The following GAS7 variants were observed in gnomAD, a reference collection of about 807,000 sequenced individuals.
GAS7 encodes the protein growth arrest specific 7, also known as growth arrest-specific protein 7.
GAS7 carries 28 observed loss-of-function variants against 71.1 expected under a neutral mutation model. That is an observed-to-expected ratio of 0.39 (90% CI 0.29 to 0.54). The LOEUF (loss-of-function observed/expected upper bound fraction) is 0.54, where lower values mean the gene tolerates loss of function less well. GAS7 is among the 20% of genes least tolerant of loss of function. The probability of loss-of-function intolerance (pLI) is 0.62; values close to 1 mark genes in which losing one functional copy is unlikely to be tolerated. For missense variants in GAS7, 436 were observed against 627.8 expected, an observed-to-expected ratio of 0.69 and a Z score of 3.27; for synonymous variants, 258 against 245.8, an observed-to-expected ratio of 1.05 and a Z score of -0.46.
intron 1 of GAS7, among the ~76,000 whole-genome samples, chr17:10,125,200 A>G (rs1567601703): frequency 6.6e-6 from 1 of 152,164 alleles, no homozygotes; most frequent in Non-Finnish European, 1.5e-5. Context: ...ATAGAAATAT[A>G]TTCTGAGAAT....
At chr17:10,175,737 T>C (rs1262450205) in intron 1 of GAS7, among the ~76,000 whole-genome samples, 1 of 152,248 alleles carries the variant, frequency 6.6e-6, no homozygotes, top group Non-Finnish European at 1.5e-5. Context: ...TGGCCTTAAG[T>C]GATCCTCCTG....
intron 3 of GAS7, among the ~76,000 whole-genome samples, chr17:9,971,521 TA>T (rs1178985618): frequency 1.5e-4 from 23 of 152,112 alleles, no homozygotes; most frequent in Non-Finnish European, 2.9e-4. Flanking sequence ...ACTGTGATTG[TA>T]CCACTACACT....
chr17:10,023,845 T>C (rs2072364257), intron 1 of GAS7, among the ~76,000 whole-genome samples: 1 of 152,192 alleles, frequency 6.6e-6, no homozygotes, highest in Non-Finnish European at 1.5e-5. Context: ...ATTTTTTGGC[T>C]GGGCACGGTG....
At chr17:9,962,095 C>T (rs143083133) in intron 4 of GAS7, among the ~76,000 whole-genome samples, 98 of 152,242 alleles carry the variant, frequency 6.4e-4, no homozygotes, top group African/African-American at 2.3e-3. Flanking sequence ...GTGTCAGCAC[C>T]TTCCCTGGTC....
At chr17:10,001,494 C>CG (rs1246699584) in intron 2 of GAS7, among the ~76,000 whole-genome samples, 2 of 152,038 alleles carry the variant, frequency 1.3e-5, no homozygotes, top group African/African-American at 4.8e-5. Context: ...CAGCAGGAAT[C>CG]GGGGAAAAAA....
At chr17:10,147,677 G>A (rs141602509) in intron 1 of GAS7, among the ~76,000 whole-genome samples, 42 of 152,306 alleles carry the variant, frequency 2.8e-4, no homozygotes, top group African/African-American at 8.2e-4. Flanking sequence ...AAGTGGGCTT[G>A]TACACACGTG....
chr17:9,991,417 T>C (rs2070838751), intron 2 of GAS7, among the ~76,000 whole-genome samples: 1 of 152,318 alleles, frequency 6.6e-6, no homozygotes, highest in African/African-American at 2.4e-5. Flanking sequence ...GGGGCTCCTG[T>C]GCCCATTTCA....
intron 2 of GAS7, among the ~76,000 whole-genome samples, chr17:9,986,540 T>C (rs1346821889): frequency 6.6e-6 from 1 of 152,166 alleles, no homozygotes; most frequent in African/African-American, 2.4e-5. Context: ...TGAAGGGAAC[T>C]ACCAGTACAG....
In GAS7 at chr17:9,912,671, G is replaced by A. The variant is rs16958968; in HGVS notation, c.*4557C>T. ...CTGCACTACCAAAAACCCACCACGC[G>A]CCAAAAGGCGAGTGTGAGCCCTAAG... is the stretch of plus-strand genomic sequence containing the variant. On this transcript the variant is annotated 3_prime_UTR_variant, in exon 14 of 14. Coordinates refer to ENST00000432992, the MANE Select transcript of GAS7 (RefSeq NM_201433.2). The A allele has an allele frequency of 0.093, 21,594 of 232,368 alleles. 1,078 individuals carry two copies. Among genetic ancestry groups the A allele is most frequent in the African/African-American group, 0.13 (5,846 of 45,352 alleles). The allele number at this position is 232,368 out of a possible 1,614,324, so 14.4% of individuals were successfully genotyped here.
intron 1 of GAS7, among the ~76,000 whole-genome samples, chr17:10,172,141 T>C (rs1266114359): frequency 6.6e-6 from 1 of 152,202 alleles, no homozygotes; most frequent in Non-Finnish European, 1.5e-5. Flanking sequence ...TCTGCCTAAC[T>C]ACCCATCAAT....
At chr17:10,075,192 C>T (rs1262275130) in intron 1 of GAS7, among the ~76,000 whole-genome samples, 1 of 151,788 alleles carries the variant, frequency 6.6e-6, no homozygotes, top group Non-Finnish European at 1.5e-5. Context: ...CCCACCCCTA[C>T]TAAAAATACA....
At chr17:10,047,019 T>C (rs1316264511) in intron 1 of GAS7, among the ~76,000 whole-genome samples, 2 of 152,094 alleles carry the variant, frequency 1.3e-5, no homozygotes, top group East Asian at 3.9e-4. Context: ...TAATTTGAGA[T>C]GCAGGATTTG....
intron 1 of GAS7, among the ~76,000 whole-genome samples, chr17:10,080,673 T>A (rs768470175): frequency 5.3e-5 from 8 of 152,184 alleles, no homozygotes; most frequent in Non-Finnish European, 1.0e-4. Flanking sequence ...ACCAAGGAGA[T>A]CTTTCTTCTC....
At chr17:10,161,139 G>T (rs1056221559) in intron 1 of GAS7, among the ~76,000 whole-genome samples, 7 of 152,030 alleles carry the variant, frequency 4.6e-5, no homozygotes, top group African/African-American at 1.4e-4. Flanking sequence ...TCATTCTCAG[G>T]TGCTTCCCAA....
At chr17:10,019,523 G>A (rs939720258) in intron 2 of GAS7, among the ~76,000 whole-genome samples, 5 of 152,072 alleles carry the variant, frequency 3.3e-5, no homozygotes, top group South Asian at 2.1e-4. Context: ...CAGGGTGGAC[G>A]TCAGGGTCCA....
intron 1 of GAS7, among the ~76,000 whole-genome samples, chr17:10,150,205 C>A (rs1169965438): frequency 6.6e-6 from 1 of 152,076 alleles, no homozygotes; most frequent in East Asian, 1.9e-4. Flanking sequence ...GGCAGCATAC[C>A]AGGTGATGAC....
At chr17:10,109,284 G>A (rs945128003) in intron 1 of GAS7, among the ~76,000 whole-genome samples, 1 of 152,084 alleles carries the variant, frequency 6.6e-6, no homozygotes, top group Non-Finnish European at 1.5e-5. Flanking sequence ...AAACCACAAC[G>A]AGCTATCATC....
intron 7 of GAS7, among the ~76,000 whole-genome samples, chr17:9,940,760 T>C (rs1597492608): frequency 6.6e-6 from 1 of 152,232 alleles, no homozygotes; most frequent in East Asian, 1.9e-4. Flanking sequence ...TAGATTCTAT[T>C]TCCCTGGAGA....
intron 1 of GAS7, among the ~76,000 whole-genome samples, chr17:10,150,204 C>A (rs1386533635): frequency 6.6e-6 from 1 of 152,188 alleles, no homozygotes; most frequent in Admixed American, 6.5e-5. Flanking sequence ...GGGCAGCATA[C>A]CAGGTGATGA....
Sources: gnomAD v4.1 joint callset for allele counts (sites outside exome capture counted in the v4.1 genomes callset) on GRCh38, gnomAD v4.1.1 for gene constraint, MANE v1.5 for transcripts, NCBI Gene and HGNC (gene_info 2026-07-23, HGNC 2026-07-21) for gene names.